Variants in MYOM3 observed in about 807,000 individuals in gnomAD.
The protein encoded by MYOM3 is myomesin-3.
A neutral mutation model predicts 191.7 loss-of-function variants in MYOM3; 155 were observed. That is an observed-to-expected ratio of 0.81 (90% CI 0.71 to 0.92). MYOM3 has a LOEUF of 0.92. Among genes scored for constraint, MYOM3 ranks in the 40% least tolerant of loss-of-function variants. The pLI is 0.00. For synonymous variants in MYOM3, 757 were observed against 762.9 expected (o/e 0.99, Z 0.13); for missense variants, 1,889 against 1,890.6 (o/e 1.00, Z 0.02).
At chr1:24,069,556 C>G (rs1162619605) in intron 25 of MYOM3, among the ~76,000 whole-genome samples, 1 of 151,674 alleles carries the variant, frequency 6.6e-6, no homozygotes, top group Non-Finnish European at 1.5e-5. Flanking sequence ...GTCATTGGAC[C>G]TTTGATATAT....
intron 33 of MYOM3, 52 bp from the exon 34 acceptor site, chr1:24,061,361 T>C (rs528743822): frequency 2.5e-5 from 39 of 1,580,840 alleles, no homozygotes; most frequent in South Asian, 3.4e-5. Flanking sequence ...TGCTGTCTGA[T>C]GATGGGGACA....
chr1:24,059,902 T>C (rs1437670651), intron 35 of MYOM3, among the ~76,000 whole-genome samples: 1 of 152,052 alleles, frequency 6.6e-6, no homozygotes, highest in Admixed American at 6.5e-5. Flanking sequence ...ATGCGGATGG[T>C]GTCTGTCCAG....
chr1:24,069,538 T>C (rs1488124686), intron 25 of MYOM3, among the ~76,000 whole-genome samples: 1 of 146,802 alleles, frequency 6.8e-6, no homozygotes, highest in Admixed American at 6.7e-5. Context: ...TTCTTTCTTC[T>C]TTTTTTTGTC....
chr1:24,057,565 A>T lies in MYOM3; in HGVS notation c.4113T>A (p.Asn1371Lys). ...GGTCAAGGAAGGTGACAGGCTGGTCATTCTTCAGCCAAGAGATTTCAGGGG... is the reference window on the plus strand; with the variant it reads ...GGTCAAGGAAGGTGACAGGCTGGTCTTTCTTCAGCCAAGAGATTTCAGGGG... ...DPTPEISWLK[N>K]DQPVTFLDRY... Residue 1371 changes from asparagine (N) to lysine (K), a missense_variant, in exon 37 of 37, where the codon AAT (asparagine) becomes AAA (lysine). Transcript: ENST00000374434. 6.2e-7 allele frequency: 1 copy of T among 1,614,146 alleles called. No homozygotes were observed. The highest frequency in any genetic ancestry group is 1.3e-5 in the African/African-American group (1 of 75,038).
intron 7 of MYOM3, among the ~76,000 whole-genome samples, chr1:24,097,100 G>A (rs1281182305): frequency 6.6e-6 from 1 of 152,200 alleles, no homozygotes; most frequent in African/African-American, 2.4e-5. Flanking sequence ...GATGCCCATG[G>A]GGTGACCTCC....
Position 24,063,245 on chromosome 1 carries a change from AGAG to A in MYOM3, c.3662-14_3662-12del, listed in dbSNP as rs779228539. ...GAGTTGCAGAGAGGGCTGGGGAGAC[AGAG>A]GAGAAGGATGAATCTTCCCTGAGGC... On this transcript the variant is annotated splice_polypyrimidine_tract_variant and intron_variant, in intron 31 of 36. Transcript: ENST00000374434. The surrounding 1 kb of genome is among the most constrained non-coding windows in gnomAD (Gnocchi z 4.5). 1.2e-5 allele frequency: 20 copies of A among 1,607,482 alleles called. No individual in the cohort carries two copies. The highest frequency in any genetic ancestry group is 1.7e-5 in the Admixed American group (1 of 59,984).
Position 24,063,504 on chromosome 1 carries a change from C to T in MYOM3, c.3649G>A (p.Gly1217Ser). The change falls in exon 31 of 37, where the codon GGC (glycine) becomes AGC (serine). Residue 1217 changes from glycine to serine, a missense_variant. By Grantham distance (56) the Gly-to-Ser change is moderately conservative (BLOSUM62 0). Coordinates refer to ENST00000374434, the MANE Select transcript of MYOM3 (RefSeq NM_152372.4). This position sits in a 1 kb window ranked among gnomAD's most constrained non-coding sequence, Gnocchi z 4.5. The stretch of plus-strand genomic sequence containing the variant: ...GCAGGCTGCTTACCACCAATCCTGC[C>T]CAACTCGGTGAAGATGGCATCCAGG... Reference protein sequence around the residue: ...DALDAIFTELGRIGALSATPL... With the variant: ...DALDAIFTELSRIGALSATPL... 1 of 1,614,098 alleles carries T rather than the reference C, an allele frequency of 6.2e-7. No homozygotes were observed. Among genetic ancestry groups the T allele is most frequent in the South Asian group, 1.1e-5 (1 of 91,082 alleles).
At chr1:24,080,266 C>A in intron 19 of MYOM3, 72 bp from the exon 20 acceptor site, 5 of 1,242,134 alleles carry the variant, frequency 4.0e-6, no homozygotes, top group Non-Finnish European at 5.7e-6. Flanking sequence ...AAGCAGCAAG[C>A]CCAGCAGTCA....
At chr1:24,084,373 G>T in intron 16 of MYOM3, 95 bp downstream of exon 16, 2 of 1,415,036 alleles carry the variant, frequency 1.4e-6, no homozygotes, top group Non-Finnish European at 2.0e-6. Context: ...ACTGTGAGCT[G>T]ATTAAACCTC....
chr1:24,081,404 T>C lies in MYOM3; in HGVS notation c.2333A>G (p.Asn778Ser), dbSNP rs1397050898. 6.2e-7 allele frequency: 1 copy of C among 1,614,104 alleles called. No homozygotes were observed. The highest frequency in any genetic ancestry group is 8.5e-7 in the Non-Finnish European group (1 of 1,180,008). Residue 778 changes from asparagine (N) to serine (S), a missense_variant, in exon 19 of 37, where the codon AAC (asparagine) becomes AGC (serine). By Grantham distance (46) the Asn-to-Ser change is conservative (BLOSUM62 1). Coordinates refer to ENST00000374434, the MANE Select transcript of MYOM3 (RefSeq NM_152372.4). ...CGACAGCTCGCCAACACCTGCCCAG[T>C]TGGCAGCCCGGGCACGGAACTCATA... The part of the protein sequence containing the change: ...HFYEFRARAA[N>S]WAGVGELSAP...
chr1:24,104,712 C>T (rs967694910), intron 5 of MYOM3, among the ~76,000 whole-genome samples: 1 of 152,174 alleles, frequency 6.6e-6, no homozygotes, highest in Non-Finnish European at 1.5e-5. Flanking sequence ...ACATGCCCAG[C>T]TAATTTTTAA....
intron 20 of MYOM3, among the ~76,000 whole-genome samples, chr1:24,079,640 G>A (rs1028188713): frequency 4.6e-5 from 7 of 152,180 alleles, no homozygotes; most frequent in South Asian, 2.1e-4. Context: ...TTTCCAGCTT[G>A]GGCCGTTACA....
chr1:24,103,599 C>T (rs576489037), intron 5 of MYOM3, among the ~76,000 whole-genome samples: 1 of 152,320 alleles, frequency 6.6e-6, no homozygotes, highest in East Asian at 1.9e-4. Context: ...AATTAACTGC[C>T]TGTTTTTCGG....
Position 24,086,656 on chromosome 1 carries a change from G to T in MYOM3, c.1786C>A (p.Arg596=), listed in dbSNP as rs373823143. The T allele has an allele frequency of 8.6e-5, 139 of 1,613,766 alleles. 2 individuals are homozygous for T. The South Asian group carries it at 9.2e-4, about 11-fold the overall frequency. ...PSEPSEPIAL[R]GPPATLPPPA... is the part of the protein sequence containing the mutation. ...ATCAGGAGGGTACCTGGCGGGCCCC[G>T]CAAGGCGATGGGTTCGCTGGGCTCC... Residue 596 remains arginine (R), a synonymous_variant, in exon 15 of 37, where the codon CGG becomes AGG. Coordinates refer to ENST00000374434, the MANE Select transcript of MYOM3 (RefSeq NM_152372.4).
chr1:24,101,234 T>C lies in MYOM3; in HGVS notation c.561-1459A>G, dbSNP rs1453341533. Among the ~76,000 whole-genome samples the C allele has an allele frequency of 2.6e-5, 4 of 152,140 alleles. No homozygotes were observed. In the East Asian group the frequency reaches 7.7e-4, roughly 29 times the overall value. On this transcript the variant is annotated intron_variant, in intron 5 of 36. Coordinates refer to ENST00000374434, the MANE Select transcript of MYOM3 (RefSeq NM_152372.4). ...TTCAGGGCTGCCTCTCCAGTAGTGA[T>C]GTGGAGAAGCTCAGTCCCTGGGGAA...
rs746506645 is a variant in MYOM3, at chr1:24,089,592, G to A, written c.1560C>T (p.Ala520=). 31 of 1,596,864 alleles carry A rather than the reference G, an allele frequency of 1.9e-5. No homozygotes were observed. The South Asian group carries it at 3.4e-4, about 18-fold the overall frequency. ...SEIREAYVVL[A]WEEPSPRDRA... ...TGTCCCGGGGGCTGGGCTCCTCCCA[G>A]GCCAGAACCACATAGGCCTCTCGGA... Residue 520 remains alanine, a synonymous_variant, in exon 14 of 37, where the codon GCC becomes GCT. Transcript: ENST00000374434.
chr1:24,094,825 GCTGGGGGCCAGGA>G lies in MYOM3; in HGVS notation c.928+15_928+27del, dbSNP rs768390629. ...AGCTTTGGAGGGGCCAGCTCTGGAG[GCTGGGGGCCAGGA>G]CTGGGGGTCCTTACCATCTCGGAAC... On this transcript the variant is annotated intron_variant, in intron 9 of 36. Coordinates refer to ENST00000374434, the MANE Select transcript of MYOM3 (RefSeq NM_152372.4). 1.8e-5 allele frequency: 28 copies of G among 1,595,638 alleles called. No homozygotes were observed. The highest frequency in any genetic ancestry group is 2.1e-5 in the Non-Finnish European group (25 of 1,170,748).
chr1:24,079,172 T>G (rs539256553), intron 20 of MYOM3, among the ~76,000 whole-genome samples: 2 of 152,316 alleles, frequency 1.3e-5, no homozygotes, highest in Admixed American at 6.5e-5. Context: ...GATGGATATC[T>G]TTTTGTGTCA....
At chr1:24,101,817 G>A (rs1408377765) in intron 5 of MYOM3, among the ~76,000 whole-genome samples, 1 of 152,204 alleles carries the variant, frequency 6.6e-6, no homozygotes, top group Non-Finnish European at 1.5e-5. Context: ...CGATTGCCCT[G>A]CCCTGGATGC....
Sources: allele counts gnomAD v4.1 joint callset (sites outside exome capture counted in the v4.1 genomes callset), GRCh38; gene constraint gnomAD v4.1.1; non-coding constraint Gnocchi (gnomAD v3.1); transcripts MANE v1.5; gene names NCBI Gene and HGNC (gene_info 2026-07-23, HGNC 2026-07-21).